The following ERAP1 variants were observed in gnomAD, a reference collection of about 807,000 sequenced individuals.
The protein encoded by ERAP1 is adipocyte-derived leucine aminopeptidase.
Under a neutral mutation model 103.7 loss-of-function variants are expected in ERAP1, and 86 were observed. That is an observed-to-expected ratio of 0.83 (90% CI 0.70 to 0.99). The LOEUF is 0.99. Ranked by LOEUF, ERAP1 falls within the 50% of genes least tolerant of loss-of-function variation. The pLI, the probability that ERAP1 is intolerant of heterozygous loss-of-function variation, is 0.00. For synonymous variants in ERAP1, 398 were observed against 402.4 expected, an observed-to-expected ratio of 0.99 and a Z score of 0.13; for missense variants, 1,009 against 1,128.4, an observed-to-expected ratio of 0.89 and a Z score of 1.52.
chr5:96,935,754 G>T, the ERAP1 span: 203 of 203,834 alleles, frequency 1.0e-3, no homozygotes, highest in East Asian at 2.9e-3. Context: ...GCGCAGTGCG[G>T]GTGTCTCGGC....
the ERAP1 span, among the ~76,000 whole-genome samples, chr5:96,847,872 C>T: frequency 6.6e-6 from 1 of 151,970 alleles, no homozygotes; most frequent in South Asian, 2.1e-4. Flanking sequence ...AAGAGTAAAT[C>T]TCAAATAAAC....
the ERAP1 span, among the ~76,000 whole-genome samples, chr5:96,869,430 T>G: frequency 6.6e-6 from 1 of 151,358 alleles, no homozygotes; most frequent in African/African-American, 2.4e-5. Flanking sequence ...TGGATGAAAG[T>G]TGAGAATTAG....
exon 20 of ERAP1, chr5:96,762,567 A>G (rs141678640): frequency 8.0e-5 from 39 of 487,768 alleles, no homozygotes; most frequent in Non-Finnish European, 1.2e-4. Context: ...AAATGAAACT[A>G]TATATGTGAA....
intron 16 of ERAP1, 96 bp from the exon 17 acceptor site, chr5:96,781,294 T>G: frequency 1.5e-6 from 2 of 1,303,650 alleles, no homozygotes; most frequent in Non-Finnish European, 2.2e-6. Context: ...AAAAAAAGTC[T>G]GCCAGTAACA....
At position 96,776,294 on chromosome 5, in the gene ERAP1, A is replaced by C; in HGVS notation, c.*102T>G. On this transcript the variant is annotated 3_prime_UTR_variant, in exon 19 of 19. Transcript: ENST00000443439. ...TCAAAAAATGAGTTGAAGGGAAAAA[A>C]GTATCTCCAGTTGGAGCCAAAACAG... is the stretch of plus-strand genomic sequence containing the variant. The C allele has an allele frequency of 6.5e-7, 1 of 1,540,600 alleles. No individual in the cohort carries two copies.
At chr5:96,772,025 C>G, downstream of ERAP1, 1 of 189,380 alleles carries the variant, frequency 5.3e-6, no homozygotes, top group Non-Finnish European at 1.1e-5. Flanking sequence ...GTTATTGTGG[C>G]AAAGCAAAAT....
At chr5:96,915,835 T>C in the ERAP1 span, 25 of 1,331,290 alleles carry the variant, frequency 1.9e-5, no homozygotes, top group Non-Finnish European at 2.6e-5. Context: ...GAAAGTAAAC[T>C]TAGATATAAT....
chr5:96,781,321 A>G, intron 16 of ERAP1, 123 bp from the exon 17 acceptor site: 1 of 954,646 alleles, frequency 1.0e-6, no homozygotes, highest in Non-Finnish European at 1.6e-6. Context: ...AAAAAGATAA[A>G]TGGGTAACCA....
At chr5:96,786,704 C>T (rs1776050748) in intron 11 of ERAP1, 155 bp from the exon 12 acceptor site, 1 of 623,508 alleles carries the variant, frequency 1.6e-6, no homozygotes, top group Non-Finnish European at 2.9e-6. Context: ...GTCTGTTTTC[C>T]AGCTTTGTAG....
the ERAP1 span, among the ~76,000 whole-genome samples, chr5:96,831,336 C>T: frequency 6.6e-6 from 1 of 152,156 alleles, no homozygotes; most frequent in African/African-American, 2.4e-5. Flanking sequence ...ATCCAATCAC[C>T]TCCCACCAGG....
chr5:96,835,137 G>C, the ERAP1 span, among the ~76,000 whole-genome samples: 3 of 152,242 alleles, frequency 2.0e-5, no homozygotes, highest in Admixed American at 2.0e-4. Flanking sequence ...CCATGACACT[G>C]TCTGTGGCTT....
chr5:96,781,922 C>T, intron 15 of ERAP1, 68 bp from the exon 16 acceptor site: 1 of 1,494,436 alleles, frequency 6.7e-7, no homozygotes, highest in Non-Finnish European at 9.3e-7. Context: ...ATAATGGTGA[C>T]TAACTATGAA....
At position 96,790,349 on chromosome 5, in the gene ERAP1, C is replaced by T. The variant is rs748459086; in HGVS notation, c.1471G>A (p.Val491Ile). Reference sequence around the variant, plus strand: ...GAGCAAAAGCCATCCATCCCTTTTACACCATCTGTAGGGCAAATCTAAAAA... The same window carrying T: ...GAGCAAAAGCCATCCATCCCTTTTATACCATCTGTAGGGCAAATCTAAAAA... The part of the protein sequence containing the change: ...SMASICPTDG[V>I]KGMDGFCSRS... Residue 491 changes from valine (V) to isoleucine (I), a missense_variant, in exon 10 of 19, where the codon GTA becomes ATA. Val to Ile is a conservative substitution (Grantham distance 29). Coordinates refer to ENST00000443439, the MANE Select transcript of ERAP1 (RefSeq NM_001040458.3). 4.4e-5 allele frequency: 71 copies of T among 1,614,114 alleles called. 1 individual carries two copies. The South Asian group carries it at 7.1e-4, about 16-fold the overall frequency.
the ERAP1 span, among the ~76,000 whole-genome samples, chr5:96,856,211 C>T: frequency 4.1e-5 from 6 of 144,644 alleles, no homozygotes; most frequent in Non-Finnish European, 6.0e-5. Flanking sequence ...CCTAGCTACT[C>T]GGGAGGCTGA....
the ERAP1 span, among the ~76,000 whole-genome samples, chr5:96,830,986 G>A: frequency 6.6e-6 from 1 of 152,142 alleles, no homozygotes; most frequent in South Asian, 2.1e-4. Context: ...CCACATAGGT[G>A]GATTTCATAT....
the ERAP1 span, among the ~76,000 whole-genome samples, chr5:96,827,687 A>AT: frequency 6.6e-6 from 1 of 151,784 alleles, no homozygotes. Flanking sequence ...AAATAAATAA[A>AT]AACGTTTTTT....
chr5:96,811,238 A>T (rs971764887), upstream of ERAP1, among the ~76,000 whole-genome samples: 1 of 152,212 alleles, frequency 6.6e-6, no homozygotes. Context: ...AATCAGAAAC[A>T]GGGAAGACGG....
the ERAP1 span, among the ~76,000 whole-genome samples, chr5:96,857,800 C>T: frequency 2.6e-5 from 4 of 152,214 alleles, no homozygotes; most frequent in Non-Finnish European, 5.9e-5. Flanking sequence ...TTAAAAGCTA[C>T]AGATTGGGTG....
In ERAP1 at chr5:96,799,373, CTCG is replaced by C. The variant is rs1021892776; in HGVS notation, c.663+1486_663+1488del. Among the ~76,000 whole-genome samples, 69 of 152,166 alleles carry C rather than the reference CTCG, an allele frequency of 4.5e-4. 1 individual carries two copies. Among genetic ancestry groups the C allele is most frequent in the Middle Eastern group, 3.4e-3 (1 of 294 alleles). ...ATATCTGCAGCCTGAGGTCAGGCTA[CTCG>C]TATTAGATTTCTGTTAGTGAGAGGT... On this transcript the variant is annotated intron_variant, in intron 3 of 18. Coordinates refer to ENST00000443439, the MANE Select transcript of ERAP1 (RefSeq NM_001040458.3).
Sources: gnomAD v4.1 joint callset for allele counts (sites outside exome capture counted in the v4.1 genomes callset) on GRCh38, gnomAD v4.1.1 for gene constraint, MANE v1.5 for transcripts, NCBI Gene and HGNC (gene_info 2026-07-23, HGNC 2026-07-21) for gene names.